Variants in MYO9A observed in about 807,000 individuals in gnomAD.
The protein encoded by MYO9A is myosin IXA.
A neutral mutation model predicts 293.3 loss-of-function variants in MYO9A; 103 were observed. That is an observed-to-expected ratio of 0.35 (90% CI 0.30 to 0.41). The LOEUF is 0.41. MYO9A is among the 10% of genes least tolerant of loss of function. The pLI, the probability that MYO9A is intolerant of heterozygous loss-of-function variation, is 1.00. For synonymous variants in MYO9A, 1,001 were observed against 1,035.7 expected, an observed-to-expected ratio of 0.97 and a Z score of 0.64; for missense variants, 2,685 against 3,033.0, an observed-to-expected ratio of 0.89 and a Z score of 2.69.
chr15:71,845,613 C>G lies in MYO9A; in HGVS notation c.6837+3232G>C, dbSNP rs188067499. Among the ~76,000 whole-genome samples, 13 of 152,300 alleles carry G rather than the reference C, an allele frequency of 8.5e-5. No individual in the cohort carries two copies. The East Asian group carries it at 2.5e-3, about 29-fold the overall frequency. On this transcript the variant is annotated intron_variant, in intron 39 of 41. Coordinates refer to ENST00000356056, the MANE Select transcript of MYO9A (RefSeq NM_006901.4). ...GTGGGTTCAACTGCTGTCACCGTTACGTGAATCAAGGTAATGATACCAAAT... is the reference window on the plus strand; with the variant it reads ...GTGGGTTCAACTGCTGTCACCGTTAGGTGAATCAAGGTAATGATACCAAAT...
chr15:71,899,052 A>C lies in MYO9A; in HGVS notation c.3471-20T>G. Reference sequence around the variant, plus strand: ...TTAAATCTATATAAAAACAGACAAAATGGGTTATAGAAATATCTTAGTTAC... The same window carrying C: ...TTAAATCTATATAAAAACAGACAAACTGGGTTATAGAAATATCTTAGTTAC... On this transcript the variant is annotated intron_variant, in intron 24 of 41. Transcript: ENST00000356056. 2.6e-6 allele frequency: 4 copies of C among 1,535,464 alleles called. No individual in the cohort carries two copies. Among genetic ancestry groups the C allele is most frequent in the Non-Finnish European group, 3.5e-6 (4 of 1,138,400 alleles).
intron 4 of MYO9A, among the ~76,000 whole-genome samples, chr15:72,023,529 C>T (rs2149261093): frequency 6.6e-6 from 1 of 151,880 alleles, no homozygotes; most frequent in South Asian, 2.1e-4. Flanking sequence ...CCCGTCTCTA[C>T]TAAAATTACA....
chr15:72,066,281 G>A lies in MYO9A; in HGVS notation c.-71-19647C>T, dbSNP rs182888077. 2.1e-4 allele frequency among the ~76,000 whole-genome samples: 32 copies of A among 152,210 alleles called. No individual in the cohort carries two copies. In the East Asian group the frequency reaches 6.2e-3, roughly 29 times the overall value. ...AAGCGGGTGGATCACGAGGTCAAGA[G>A]ATCAAGACCATCCTAGCCAACATGG... On this transcript the variant is annotated intron_variant, in intron 1 of 41. Transcript: ENST00000356056.
chr15:72,012,305 T>C (rs1354918473), intron 6 of MYO9A, among the ~76,000 whole-genome samples: 2 of 151,954 alleles, frequency 1.3e-5, no homozygotes, highest in East Asian at 3.9e-4. Flanking sequence ...TTAAAATAAT[T>C]TTTTTTTGAG....
rs938880631 is a variant in MYO9A at position 71,887,268 on chromosome 15, G to A, written c.5255+736C>T. ...AATCATACTGCTAAGTATAGAGGGA[G>A]ATAAAGCCCATTATACTGAAGGGAA... On this transcript the variant is annotated intron_variant, in intron 27 of 41. Coordinates refer to ENST00000356056, the MANE Select transcript of MYO9A (RefSeq NM_006901.4). Among the ~76,000 whole-genome samples, 7 of 152,214 alleles carry A rather than the reference G, an allele frequency of 4.6e-5. No homozygotes were observed. The South Asian group carries it at 1.5e-3, about 32-fold the overall frequency.
intron 6 of MYO9A, among the ~76,000 whole-genome samples, chr15:72,013,293 A>C (rs745453773): frequency 6.6e-6 from 1 of 152,180 alleles, no homozygotes; most frequent in Non-Finnish European, 1.5e-5. Context: ...ATCTCTCATC[A>C]GTCATTGTTT....
At chr15:71,991,602 A>G (rs2076543712) in intron 10 of MYO9A, among the ~76,000 whole-genome samples, 1 of 152,210 alleles carries the variant, frequency 6.6e-6, no homozygotes, top group South Asian at 2.1e-4. Flanking sequence ...GGATCAAGAG[A>G]GGTAGGTTAC....
At chr15:71,834,165 G>T (rs1174028159) in intron 39 of MYO9A, among the ~76,000 whole-genome samples, 1 of 152,058 alleles carries the variant, frequency 6.6e-6, no homozygotes, top group Non-Finnish European at 1.5e-5. Flanking sequence ...TACAAATCCT[G>T]TAGACCCAAA....
At position 71,920,863 on chromosome 15, in the gene MYO9A, C is replaced by T. The variant is rs1478082186; in HGVS notation, c.2563-4371G>A. On this transcript the variant is annotated intron_variant, in intron 18 of 41. Coordinates refer to ENST00000356056, the MANE Select transcript of MYO9A (RefSeq NM_006901.4). ...TTGGGTGGCTGGGGCACAAGAACTG[C>T]TTGAACCCAAGAGGCAAGCGGTCAG... Among the ~76,000 whole-genome samples the T allele has an allele frequency of 2.0e-5, 3 of 152,108 alleles. No individual in the cohort carries two copies. In the East Asian group the frequency reaches 5.8e-4, roughly 29 times the overall value.
Position 71,897,829 on chromosome 15 carries a change from G to A in MYO9A, c.4674C>T (p.Ser1558=), listed in dbSNP as rs2143059718. 1.2e-6 allele frequency: 2 copies of A among 1,614,076 alleles called. No homozygotes were observed. Among genetic ancestry groups the A allele is most frequent in the Non-Finnish European group, 1.7e-6 (2 of 1,180,006 alleles). Residue 1558 remains serine, a synonymous_variant, in exon 25 of 42, where the codon TCC becomes TCT. Coordinates refer to ENST00000356056, the MANE Select transcript of MYO9A (RefSeq NM_006901.4). ...YQSKQRVERP[S]SLLSLNTSNK... ...TTGAGGTATTTAAGCTGAGGAGAGAGGATGGCCTCTCTACTCTTTGCTTTG... is the reference window on the plus strand; with the variant it reads ...TTGAGGTATTTAAGCTGAGGAGAGAAGATGGCCTCTCTACTCTTTGCTTTG...
At chr15:72,080,183 AGTT>A (rs2079496474) in intron 1 of MYO9A, among the ~76,000 whole-genome samples, 1 of 152,180 alleles carries the variant, frequency 6.6e-6, no homozygotes, top group African/African-American at 2.4e-5. Flanking sequence ...ATAATAGTGA[AGTT>A]GTAATACAGA....
chr15:71,869,986 A>G (rs375517478), intron 32 of MYO9A, among the ~76,000 whole-genome samples: 2 of 152,198 alleles, frequency 1.3e-5, no homozygotes, highest in East Asian at 1.9e-4. Context: ...GCATGTGACA[A>G]TCTATCTAAA....
intron 14 of MYO9A, chr15:71,958,727 C>A (rs1440328551): frequency 6.6e-6 from 1 of 151,948 alleles, no homozygotes; most frequent in Non-Finnish European, 1.5e-5. Context: ...TCTGTACTAG[C>A]CAGAAGGGAA....
chr15:71,923,510 G>A (rs774140771), intron 18 of MYO9A, among the ~76,000 whole-genome samples: 1 of 152,168 alleles, frequency 6.6e-6, no homozygotes, highest in Non-Finnish European at 1.5e-5. Flanking sequence ...TCTTCAATGG[G>A]AGACTTTTTA....
intron 1 of MYO9A, among the ~76,000 whole-genome samples, chr15:72,085,688 A>C (rs746574429): frequency 2.6e-4 from 39 of 152,274 alleles, no homozygotes; most frequent in Non-Finnish European, 5.3e-4. Context: ...TCTGGAGAAA[A>C]GAAGGCACTC....
chr15:71,934,786 C>CTTTTTTTT (rs1167613386), intron 17 of MYO9A, among the ~76,000 whole-genome samples: 23 of 61,786 alleles, frequency 3.7e-4, no homozygotes, highest in South Asian at 7.9e-4. Flanking sequence ...CTTTTCTTTT[C>CTTTTTTTT]TTTTTTTTTT....
At chr15:71,858,989 C>G (rs776554363) in intron 34 of MYO9A, among the ~76,000 whole-genome samples, 72 of 152,166 alleles carry the variant, frequency 4.7e-4, no homozygotes, top group Non-Finnish European at 6.9e-4. Flanking sequence ...TGATGCTTGC[C>G]AACAAACTTT....
chr15:71,914,434 G>C (rs1263492397), intron 19 of MYO9A, among the ~76,000 whole-genome samples: 1 of 152,172 alleles, frequency 6.6e-6, no homozygotes, highest in Non-Finnish European at 1.5e-5. Flanking sequence ...TCAAGGAAGG[G>C]CACAAAGACG....
intron 13 of MYO9A, among the ~76,000 whole-genome samples, chr15:71,965,926 G>C (rs970005594): frequency 6.6e-6 from 1 of 151,854 alleles, no homozygotes; most frequent in South Asian, 2.1e-4. Context: ...TCTCAGGCTG[G>C]AGTGAAATGG....
Sources: gnomAD v4.1 joint callset for allele counts (sites outside exome capture counted in the v4.1 genomes callset) on GRCh38, gnomAD v4.1.1 for gene constraint, MANE v1.5 for transcripts, NCBI Gene and HGNC (gene_info 2026-07-23, HGNC 2026-07-21) for gene names.